The following ASB14 variants were observed in gnomAD, a reference collection of about 807,000 sequenced individuals.
ASB14 encodes ankyrin repeat and SOCS box protein 14.
ASB14 carries 63 observed loss-of-function variants against 55.6 expected under a neutral mutation model. The ratio of observed to expected loss-of-function variants is 1.13; its 90% CI spans 0.92 to 1.40. ASB14 has a LOEUF of 1.40. ASB14 is among the 40% of genes most tolerant of loss of function. The pLI, the probability that ASB14 is intolerant of heterozygous loss-of-function variation, is 0.00. For synonymous variants in ASB14, 256 were observed against 259.9 expected (o/e 0.98, Z 0.15); for missense variants, 724 against 710.4 (o/e 1.02, Z -0.22).
rs1579437955 is a variant in ASB14 at position 57,288,864 on chromosome 3, G to A, written c.178+204C>T. Reference sequence around the variant, plus strand: ...CGAGTAGCTGGGATTACAGGCGCCCGCCACCATGCCCGGCTAATTTTTTGC... The same window carrying A: ...CGAGTAGCTGGGATTACAGGCGCCCACCACCATGCCCGGCTAATTTTTTGC... On this transcript the variant is annotated intron_variant, in intron 3 of 10. Coordinates refer to ENST00000487349, the MANE Select transcript of ASB14 (RefSeq NM_001142733.3). 1.2e-5 allele frequency: 5 copies of A among 403,868 alleles called. No homozygotes were observed. In the East Asian group the frequency reaches 2.0e-4, roughly 16 times the overall value. The allele number at this position is 403,868 out of a possible 1,614,324, so 25.0% of individuals were successfully genotyped here.
chr3:57,276,621 GA>G lies in ASB14; in HGVS notation c.1692del (p.Arg565ValfsTer2), dbSNP rs747745603. On this transcript the variant is annotated frameshift_variant, in exon 10 of 11. Coordinates refer to ENST00000487349, the MANE Select transcript of ASB14 (RefSeq NM_001142733.3). LOFTEE classifies it high-confidence loss of function. The part of the protein sequence containing the change: ...PVFMSFLPLP[N>X]RLKAYVLYKE... ...TTGTAAAGGACATATGCTTTTAGAC[GA>G]TTGGGTAATGGAAGAAATGACATGA... 1 of 1,613,742 alleles carries G rather than the reference GA, an allele frequency of 6.2e-7. No homozygotes were observed. The highest frequency in any genetic ancestry group is 1.1e-5 in the South Asian group (1 of 91,072).
At position 57,288,193 on chromosome 3, in the gene ASB14, A is replaced by C; in HGVS notation, c.272T>G (p.Val91Gly). ...IGWIPLHKAAVQLNRKILEIT... is the reference protein window; with the variant it reads ...IGWIPLHKAAGQLNRKILEIT... ...TTCCAAAATTTTCCTATTTAATTGC[A>C]CTGCAGCCTTATGCAGAGGAATCCA... The change falls in exon 4 of 11, where the codon GTG (valine) becomes GGG (glycine). Residue 91 changes from valine (V) to glycine (G), a missense_variant. By Grantham distance (109) the Val-to-Gly change is moderately radical. Transcript: ENST00000487349. The C allele has an allele frequency of 6.5e-7, 1 of 1,537,052 alleles. No homozygotes were observed.
At chr3:57,272,503 A>ATATC (rs1485549013) in intron 10 of ASB14, 1 of 152,204 alleles carries the variant, frequency 6.6e-6, no homozygotes, top group Non-Finnish European at 1.5e-5. Flanking sequence ...ATTTTGCATT[A>ATATC]TATCTAGGAA....
At chr3:57,271,908 T>C (rs2060943221) in intron 10 of ASB14, 1 of 152,264 alleles carries the variant, frequency 6.6e-6, no homozygotes, top group South Asian at 2.1e-4. Context: ...TGTTGAACTA[T>C]ATGAACTATT....
intron 10 of ASB14, chr3:57,273,151 G>A (rs1181998147): frequency 6.6e-6 from 1 of 152,508 alleles, no homozygotes; most frequent in African/African-American, 2.4e-5. Context: ...ATATGAGACT[G>A]GGGGTTAAGT....
At position 57,274,469 on chromosome 3, in the gene ASB14, G is replaced by C. The variant is rs145152891; in HGVS notation, c.*22+2059C>G. Among the ~76,000 whole-genome samples the C allele has an allele frequency of 3.3e-3, 505 of 152,258 alleles. 1 individual carries two copies. Among genetic ancestry groups the C allele is most frequent in the African/African-American group, 0.012 (485 of 41,530 alleles). ...AGGCCAAGGCAGGCAGATCACTTAA[G>C]GTCAGGAGGTCGAGACAGCCTGACC... On this transcript the variant is annotated intron_variant, in intron 10 of 10. Coordinates refer to ENST00000487349, the MANE Select transcript of ASB14 (RefSeq NM_001142733.3).
At position 57,269,324 on chromosome 3, in the gene ASB14, T is replaced by C. The variant is rs1485189861; in HGVS notation, c.*317A>G. 4.3e-6 allele frequency: 2 copies of C among 461,990 alleles called. No individual in the cohort carries two copies. The highest frequency in any genetic ancestry group is 2.0e-5 in the African/African-American group (1 of 50,454). 28.6% of individuals were successfully genotyped at this position (461,990 alleles called of 1,614,324 possible). A position where few individuals can be genotyped will look rare whatever the true frequency, so the allele number is the denominator to read the frequency against. On this transcript the variant is annotated 3_prime_UTR_variant, in exon 11 of 11. Coordinates refer to ENST00000487349, the MANE Select transcript of ASB14 (RefSeq NM_001142733.3). ...GTCATAAAAAAAGAAAGATAAAATA[T>C]TAGATTTTAGTTTGAATGCTGGCTT...
chr3:57,288,333 A>G (rs189014456), intron 3 of ASB14, 47 bp from the exon 4 acceptor site: 43 of 1,525,000 alleles, frequency 2.8e-5, no homozygotes, highest in Non-Finnish European at 3.5e-5. Context: ...GCACACTTAC[A>G]AGGAAGCCCA....
In ASB14 at chr3:57,278,664, G is replaced by A. The variant is rs753305488; in HGVS notation, c.1144C>T (p.Pro382Ser). ...VKLLLSAGALPNQDPVNCLQI... is the reference protein window; with the variant it reads ...VKLLLSAGALSNQDPVNCLQI... ...AGGCAGTTAACCGGGTCTTGATTAG[G>A]CAGAGCTCCAGCACTCAGAAGCAGC... The change falls in exon 8 of 11, where the codon CCT becomes TCT. Residue 382 changes from proline (P) to serine (S), a missense_variant. Physicochemically the swap from Pro to Ser is moderately conservative, Grantham distance 74. Transcript: ENST00000487349. 2.6e-5 allele frequency: 42 copies of A among 1,614,056 alleles called. No homozygotes were observed. The highest frequency in any genetic ancestry group is 3.4e-5 in the Non-Finnish European group (40 of 1,180,046).
At chr3:57,291,852 A>G in intron 2 of ASB14, 60 bp downstream of exon 2, 4 of 1,397,136 alleles carry the variant, frequency 2.9e-6, no homozygotes, top group Non-Finnish European at 3.8e-6. Context: ...TAAGCTAATG[A>G]CAAGTGTCAG....
At chr3:57,285,225 A>G (rs2061072328) in intron 5 of ASB14, among the ~76,000 whole-genome samples, 2 of 152,058 alleles carry the variant, frequency 1.3e-5, no homozygotes, top group Admixed American at 6.6e-5. Flanking sequence ...ACAGGTGTGA[A>G]CTACCGTGCA....
At position 57,276,671 on chromosome 3, in the gene ASB14, C is replaced by T. The variant is rs199925423; in HGVS notation, c.1643G>A (p.Arg548Gln). Residue 548 changes from arginine (R) to glutamine (Q), a missense_variant, in exon 10 of 11, where the codon CGG becomes CAG. Physicochemically the swap from Arg to Gln is conservative, Grantham distance 43 (BLOSUM62 1). Coordinates refer to ENST00000487349, the MANE Select transcript of ASB14 (RefSeq NM_001142733.3). ...GAAGACAGGGCAGCGCAAATGTAAC[C>T]GTCCCATGCATTTCCGGATCTTTAG... ...CRLKIRKCMG[R>Q]LHLRCPVFMS... The T allele has an allele frequency of 7.4e-6, 12 of 1,613,830 alleles. No individual in the cohort carries two copies. Among genetic ancestry groups the T allele is most frequent in the Admixed American group, 5.0e-5 (3 of 59,988 alleles).
chr3:57,289,093 C>CTAT lies in ASB14; in HGVS notation c.152_153insATA (p.Lys51_Lys52insTer). On this transcript the variant is annotated stop_gained and inframe_insertion, in exon 3 of 11. Transcript: ENST00000487349. LOFTEE classifies it high-confidence loss of function. ...CTTTCTCTATTGTTTCAACTATCTT[C>CTAT]TTATAGTCAGCGCTCAAAAAGGAAT... The CTAT allele has an allele frequency of 2.0e-6, 3 of 1,529,706 alleles. No homozygotes were observed. The South Asian group carries it at 3.6e-5, about 18-fold the overall frequency. The allele number at this position is 1,529,706 out of a possible 1,614,324, so 94.8% of individuals were successfully genotyped here. A position where few individuals can be genotyped will look rare whatever the true frequency, so the allele number is the denominator to read the frequency against.
rs759334650 is a variant in ASB14 at position 57,278,951 on chromosome 3, A to G, written c.888-31T>C. 8.1e-6 allele frequency: 13 copies of G among 1,595,826 alleles called. No homozygotes were observed. In the East Asian group the frequency reaches 1.6e-4, roughly 19 times the overall value. ...AAAGAATTTCAAAATGCATTTCAAC[A>G]TTGTTTTTAAGATGTAGCACTAACT... On this transcript the variant is annotated intron_variant, in intron 7 of 10. Coordinates refer to ENST00000487349, the MANE Select transcript of ASB14 (RefSeq NM_001142733.3).
intron 7 of ASB14, among the ~76,000 whole-genome samples, chr3:57,279,279 T>C (rs1028220208): frequency 3.5e-5 from 5 of 142,792 alleles, no homozygotes; most frequent in Non-Finnish European, 6.1e-5. Context: ...TTTTTTTTTT[T>C]TTTTTTTTTT....
At chr3:57,282,026 A>C (rs1457110118) in intron 6 of ASB14, among the ~76,000 whole-genome samples, 1 of 152,188 alleles carries the variant, frequency 6.6e-6, no homozygotes, top group Non-Finnish European at 1.5e-5. Flanking sequence ...CTTTCTCTGT[A>C]TTTTAATCAA....
intron 10 of ASB14, chr3:57,271,178 A>G (rs1013951621): frequency 1.3e-5 from 2 of 152,328 alleles, no homozygotes; most frequent in African/African-American, 4.8e-5. Context: ...GTTCTGCATT[A>G]GAAATGGCAT....
At chr3:57,277,653 CTGGT>C (rs2061000619) in intron 9 of ASB14, 110 bp downstream of exon 9, 4 of 906,978 alleles carry the variant, frequency 4.4e-6, no homozygotes, top group Non-Finnish European at 6.7e-6. Context: ...TAGTATTTTT[CTGGT>C]TTAAGTCAAG....
rs1310022276 is a variant in ASB14 at position 57,269,589 on chromosome 3, C to G, written c.*52G>C. 5 of 1,613,934 alleles carry G rather than the reference C, an allele frequency of 3.1e-6. No individual in the cohort carries two copies. The highest frequency in any genetic ancestry group is 1.3e-5 in the African/African-American group (1 of 75,018). Reference sequence around the variant, plus strand: ...GATAGCTGCTTCCAGTAGACCAAACCAAGCCAGTAGTGAGGGGCAGTTTGT... The same window carrying G: ...GATAGCTGCTTCCAGTAGACCAAACGAAGCCAGTAGTGAGGGGCAGTTTGT... On this transcript the variant is annotated 3_prime_UTR_variant, in exon 11 of 11. Transcript: ENST00000487349.
Sources: allele counts gnomAD v4.1 joint callset (sites outside exome capture counted in the v4.1 genomes callset), GRCh38; gene constraint gnomAD v4.1.1; transcripts MANE v1.5; gene names NCBI Gene and HGNC (gene_info 2026-07-23, HGNC 2026-07-21).